The following NXPH1 variants were observed in gnomAD, a reference collection of about 807,000 sequenced individuals.
The protein encoded by NXPH1 is neurexophilin-1.
NXPH1 carries 5 observed loss-of-function variants against 23.7 expected under a neutral mutation model. The observed-to-expected ratio is 0.21, with a 90% CI of 0.11 to 0.44. The LOEUF (loss-of-function observed/expected upper bound fraction) is 0.44, where lower values mean the gene tolerates loss of function less well. Ranked by LOEUF, NXPH1 falls within the 20% of genes least tolerant of loss-of-function variation. The pLI is 0.99. For missense variants in NXPH1, 324 were observed against 321.6 expected, an observed-to-expected ratio of 1.01 and a Z score of -0.06; for synonymous variants, 144 against 122.2, an observed-to-expected ratio of 1.18 and a Z score of -1.18.
intron 2 of NXPH1, among the ~76,000 whole-genome samples, chr7:8,655,768 C>T (rs997913040): frequency 1.3e-5 from 2 of 152,098 alleles, no homozygotes; most frequent in Non-Finnish European, 2.9e-5. Flanking sequence ...TTTTTTCAGA[C>T]TCTTGCCTTT....
At chr7:8,725,473 G>T (rs527962253) in intron 2 of NXPH1, among the ~76,000 whole-genome samples, 12 of 145,430 alleles carry the variant, frequency 8.3e-5, no homozygotes, top group Admixed American at 4.1e-4. Flanking sequence ...CTGGGCAACA[G>T]AGTGAGATTC....
chr7:8,519,773 G>T (rs932369802), intron 2 of NXPH1, among the ~76,000 whole-genome samples: 5 of 152,062 alleles, frequency 3.3e-5, no homozygotes, highest in African/African-American at 1.2e-4. Flanking sequence ...GCAAACAAAA[G>T]CTTATTGAAT....
At chr7:8,462,168 C>T (rs1264288439) in intron 2 of NXPH1, among the ~76,000 whole-genome samples, 1 of 152,120 alleles carries the variant, frequency 6.6e-6, no homozygotes, top group East Asian at 1.9e-4. Context: ...CCCACCTCAG[C>T]CTCCCAAGTA....
At chr7:8,642,227 A>G (rs1820328284) in intron 2 of NXPH1, among the ~76,000 whole-genome samples, 1 of 152,198 alleles carries the variant, frequency 6.6e-6, no homozygotes, top group African/African-American at 2.4e-5. Context: ...TACTTGGTTG[A>G]TAGTTAAACT....
chr7:8,746,575 T>C (rs1358299730), intron 2 of NXPH1, among the ~76,000 whole-genome samples: 2 of 152,248 alleles, frequency 1.3e-5, no homozygotes, highest in Non-Finnish European at 2.9e-5. Context: ...TTCAAAAATA[T>C]ATGCTTGCTT....
rs375946912 is a variant in NXPH1, at chr7:8,751,343, A to G, written c.390A>G (p.Thr130=). ...GWGDFHSNIK[T]VKLNLLITGK... ...GCGATTTTCATTCCAACATCAAAAC[A>G]GTGAAGCTGAACCTGTTGATAACTG... is the stretch of plus-strand genomic sequence containing the variant. The change falls in exon 3 of 3, where the codon ACA becomes ACG. Residue 130 remains threonine (T), a synonymous_variant. Coordinates refer to ENST00000405863, the MANE Select transcript of NXPH1 (RefSeq NM_152745.3). The surrounding 1 kb of genome is among the most constrained non-coding windows in gnomAD (Gnocchi z 4.5). The G allele has an allele frequency of 7.7e-5, 125 of 1,613,940 alleles. No homozygotes were observed. In the African/African-American group the frequency reaches 1.4e-3, roughly 18 times the overall value.
At chr7:8,658,602 T>C (rs1344346278) in intron 2 of NXPH1, among the ~76,000 whole-genome samples, 2 of 152,258 alleles carry the variant, frequency 1.3e-5, no homozygotes, top group East Asian at 3.8e-4. Context: ...TCCTTGGCTT[T>C]GATTTGTAAG....
At chr7:8,640,104 A>G (rs1820283413) in intron 2 of NXPH1, among the ~76,000 whole-genome samples, 1 of 152,054 alleles carries the variant, frequency 6.6e-6, no homozygotes. Context: ...CCCATCCACT[A>G]CCTGCCTTTT....
intron 2 of NXPH1, among the ~76,000 whole-genome samples, chr7:8,462,041 A>C (rs140224773): frequency 9.8e-4 from 127 of 129,572 alleles, no homozygotes; most frequent in African/African-American, 4.1e-3. Context: ...CTATATATCT[A>C]TATCTCTATC....
At chr7:8,549,765 C>T (rs960597123) in intron 2 of NXPH1, among the ~76,000 whole-genome samples, 6 of 151,466 alleles carry the variant, frequency 4.0e-5, no homozygotes, top group African/African-American at 1.5e-4. Flanking sequence ...TCTGTTTTTA[C>T]AGAGGAGGAA....
At chr7:8,574,771 G>A (rs1266302733) in intron 2 of NXPH1, among the ~76,000 whole-genome samples, 1 of 152,120 alleles carries the variant, frequency 6.6e-6, no homozygotes, top group African/African-American at 2.4e-5. Flanking sequence ...CAATTCGAAA[G>A]GGAAGAAAAG....
intron 2 of NXPH1, among the ~76,000 whole-genome samples, chr7:8,659,000 T>TGGAGATAATAAATGGCCTTAAAC (rs1199930253): frequency 2.7e-5 from 2 of 73,726 alleles, no homozygotes; most frequent in South Asian, 5.6e-4. Flanking sequence ...TATATATATA[T>TGGAGATAATAAATGGCCTTAAAC]ATATATTTTT....
rs117221467 is a variant in NXPH1 at position 8,483,751 on chromosome 7, A to G, written c.54+47984A>G. Among the ~76,000 whole-genome samples the G allele has an allele frequency of 1.7e-3, 257 of 152,300 alleles. 1 individual carries two copies. The Middle Eastern group carries it at 0.017, about 10-fold the overall frequency. ...AGTGTCCCAGAAGTACTCTTGTAGC[A>G]TCTTGGGATCCCCTGAAAATTTGAA... On this transcript the variant is annotated intron_variant, in intron 2 of 2. Transcript: ENST00000405863.
intron 2 of NXPH1, among the ~76,000 whole-genome samples, chr7:8,639,597 C>A (rs1258476918): frequency 6.6e-6 from 1 of 152,122 alleles, no homozygotes; most frequent in East Asian, 1.9e-4. Context: ...AAGTTATTGG[C>A]TACTTACCTA....
intron 2 of NXPH1, among the ~76,000 whole-genome samples, chr7:8,601,738 G>A (rs530165431): frequency 6.6e-6 from 1 of 152,274 alleles, no homozygotes; most frequent in South Asian, 2.1e-4. Context: ...GGGCCTAGCT[G>A]CTCTGTGATG....
intron 2 of NXPH1, among the ~76,000 whole-genome samples, chr7:8,731,533 T>G (rs1343433427): frequency 6.6e-6 from 1 of 152,202 alleles, no homozygotes. Context: ...TGGATGTCCT[T>G]TCTGTTTGTT....
At chr7:8,476,138 T>C (rs1213574055) in intron 2 of NXPH1, among the ~76,000 whole-genome samples, 1 of 152,190 alleles carries the variant, frequency 6.6e-6, no homozygotes, top group African/African-American at 2.4e-5. Context: ...TTTCTAAATC[T>C]GAAAATATTT....
chr7:8,623,094 A>AGG (rs964516490), intron 2 of NXPH1, among the ~76,000 whole-genome samples: 2 of 152,108 alleles, frequency 1.3e-5, no homozygotes, highest in Non-Finnish European at 2.9e-5. Context: ...ATTTAAATAC[A>AGG]GGGTAAAATC....
chr7:8,744,653 T>G (rs1399343056), intron 2 of NXPH1, among the ~76,000 whole-genome samples: 2 of 152,252 alleles, frequency 1.3e-5, no homozygotes, highest in Non-Finnish European at 2.9e-5. Context: ...GTGGATGGCA[T>G]CACCAGAATG....
Sources: allele counts gnomAD v4.1 joint callset (sites outside exome capture counted in the v4.1 genomes callset), GRCh38; gene constraint gnomAD v4.1.1; non-coding constraint Gnocchi (gnomAD v3.1); transcripts MANE v1.5; gene names NCBI Gene and HGNC (gene_info 2026-07-23, HGNC 2026-07-21).